Variants in EVC observed in about 807,000 individuals in gnomAD.
EVC encodes evC complex member EVC.
Under a neutral mutation model 118.9 loss-of-function variants are expected in EVC, and 116 were observed. The observed-to-expected ratio is 0.98, with a 90% CI of 0.84 to 1.14. The LOEUF is 1.14. EVC is among the 50% of genes most tolerant of loss of function. The probability of loss-of-function intolerance (pLI) is 0.00; values close to 1 mark genes in which losing one functional copy is unlikely to be tolerated. For synonymous variants in EVC, 619 were observed against 534.7 expected (o/e 1.16, Z -2.18); for missense variants, 1,401 against 1,246.4 (o/e 1.12, Z -1.87).
chr4:5,770,563 C>G (rs556936619), intron 11 of EVC, among the ~76,000 whole-genome samples: 2 of 152,148 alleles, frequency 1.3e-5, no homozygotes, highest in East Asian at 1.9e-4. Context: ...AGTAGTGATT[C>G]GGAGAACACA....
chr4:5,752,725 A>T, intron 8 of EVC, 111 bp from the exon 9 acceptor site: 1 of 1,085,552 alleles, frequency 9.2e-7, no homozygotes, highest in East Asian at 2.4e-5. Context: ...CCGCTCTCCC[A>T]GGCAGTGCCA....
the EVC span, chr4:5,826,590 T>G: frequency 4.6e-5 from 7 of 152,250 alleles, no homozygotes; most frequent in Non-Finnish European, 1.0e-4. Flanking sequence ...GCTGTCAGCC[T>G]GCTGGGAACT....
At chr4:5,805,126 C>T (rs762289421) in intron 17 of EVC, among the ~76,000 whole-genome samples, 2 of 152,120 alleles carry the variant, frequency 1.3e-5, no homozygotes, top group Non-Finnish European at 2.9e-5. Context: ...TGTTTAGACA[C>T]GCGCCTACCC....
intron 11 of EVC, among the ~76,000 whole-genome samples, chr4:5,776,551 A>C (rs555888719): frequency 2.0e-5 from 3 of 152,136 alleles, no homozygotes; most frequent in Non-Finnish European, 4.4e-5. Flanking sequence ...AATTTCTTCC[A>C]TCAGTTTGGG....
At chr4:5,740,503 T>C (rs897535606) in intron 5 of EVC, among the ~76,000 whole-genome samples, 2 of 148,200 alleles carry the variant, frequency 1.3e-5, no homozygotes, top group Admixed American at 1.3e-4. Context: ...AGAAAAAATA[T>C]AAGAGAAATT....
At chr4:5,759,112 G>A (rs533787066) in intron 11 of EVC, among the ~76,000 whole-genome samples, 1 of 152,034 alleles carries the variant, frequency 6.6e-6, no homozygotes, top group Non-Finnish European at 1.5e-5. Flanking sequence ...CACAGTAGCT[G>A]TACACACTTG....
chr4:5,814,158 C>T lies in EVC; in HGVS notation c.*3121C>T, dbSNP rs1717320370. On this transcript the variant is annotated 3_prime_UTR_variant, in exon 21 of 21. Transcript: ENST00000264956. Reference sequence around the variant, plus strand: ...TCAGCAGTGCAGCCCCAGGATGCCTCGCAGGTACCCTGCCTCCATTTTGGT... The same window carrying T: ...TCAGCAGTGCAGCCCCAGGATGCCTTGCAGGTACCCTGCCTCCATTTTGGT... 2 of 152,290 alleles carry T rather than the reference C, an allele frequency of 1.3e-5. No homozygotes were observed. Among genetic ancestry groups the T allele is most frequent in the African/African-American group, 2.4e-5 (1 of 41,448 alleles). The allele number at this position is 152,290 out of a possible 1,614,324, so 9.4% of individuals were successfully genotyped here. A position where few individuals can be genotyped will look rare whatever the true frequency, so the allele number is the denominator to read the frequency against.
Position 5,729,357 on chromosome 4 carries a change from CAA to C in EVC, c.353_354del (p.Lys118SerfsTer23). The C allele has an allele frequency of 1.2e-6, 2 of 1,614,088 alleles. No individual in the cohort carries two copies. The highest frequency in any genetic ancestry group is 1.7e-6 in the Non-Finnish European group (2 of 1,180,018). ...ATATCACAGCATTCGCCCTGAAGGCCAAAGTCATCTACCCCATCAATCAGAAG... is the reference window on the plus strand; with the variant it reads ...ATATCACAGCATTCGCCCTGAAGGCCAGTCATCTACCCCATCAATCAGAAG... The part of the protein sequence containing the change: ...SNITAFALKA[K>X]VIYPINQKFR... On this transcript the variant is annotated frameshift_variant, in exon 3 of 21. Coordinates refer to ENST00000264956, the MANE Select transcript of EVC (RefSeq NM_153717.3). LOFTEE classifies it high-confidence loss of function.
chr4:5,824,815 G>C, the EVC span: 9 of 985,230 alleles, frequency 9.1e-6, no homozygotes. Flanking sequence ...CAAAATTCCA[G>C]TTCAACTTTC....
At chr4:5,750,776 A>G (rs1205953803) in intron 8 of EVC, among the ~76,000 whole-genome samples, 1 of 152,208 alleles carries the variant, frequency 6.6e-6, no homozygotes, top group Non-Finnish European at 1.5e-5. Flanking sequence ...AGAAATAGAC[A>G]GCAAAAAATT....
chr4:5,712,320 C>T (rs3774857), intron 1 of EVC, among the ~76,000 whole-genome samples: 126,177 of 152,198 alleles, frequency 0.83, 52,600 homozygotes, highest in African/African-American at 0.91. Flanking sequence ...AGAGGTTAAG[C>T]AACTTACTAA....
At chr4:5,758,948 G>C (rs903966818) in intron 11 of EVC, among the ~76,000 whole-genome samples, 2 of 152,192 alleles carry the variant, frequency 1.3e-5, no homozygotes, top group African/African-American at 4.8e-5. Flanking sequence ...GGATGCCCTG[G>C]GAGATGATTC....
chr4:5,726,565 T>C (rs1249176506), intron 2 of EVC, among the ~76,000 whole-genome samples: 2 of 43,868 alleles, frequency 4.6e-5, no homozygotes, highest in Non-Finnish European at 8.3e-5. Flanking sequence ...TTTCTTCTCT[T>C]TTCTTTTTTT....
intron 7 of EVC, among the ~76,000 whole-genome samples, chr4:5,747,360 G>A (rs887526582): frequency 1.7e-4 from 26 of 152,178 alleles, no homozygotes; most frequent in African/African-American, 4.6e-4. Context: ...AACCTCAGCC[G>A]TGGAGTTAAA....
chr4:5,713,746 A>C (rs1322121732), intron 1 of EVC, among the ~76,000 whole-genome samples: 1 of 151,800 alleles, frequency 6.6e-6, no homozygotes, highest in African/African-American at 2.4e-5. Flanking sequence ...TCTACTAAAA[A>C]TACAAAATTA....
At chr4:5,744,628 A>C (rs750044431) in intron 6 of EVC, among the ~76,000 whole-genome samples, 1 of 152,152 alleles carries the variant, frequency 6.6e-6, no homozygotes, top group Admixed American at 6.6e-5. Flanking sequence ...GAATTCACTC[A>C]ATTGCCTAGC....
At chr4:5,804,908 T>G in intron 17 of EVC, 67 bp downstream of exon 17, 2 of 1,394,388 alleles carry the variant, frequency 1.4e-6, no homozygotes, top group Non-Finnish European at 2.0e-6. Flanking sequence ...TATCTCTCTG[T>G]GGTGCCGTCA....
intron 12 of EVC, among the ~76,000 whole-genome samples, chr4:5,787,582 C>A (rs1169957338): frequency 1.3e-5 from 2 of 152,176 alleles, no homozygotes; most frequent in Admixed American, 1.3e-4. Context: ...GAGTGCAGAC[C>A]TGCCAACCCT....
Position 5,755,658 on chromosome 4 carries a change from C to T in EVC, c.1465-606C>T, listed in dbSNP as rs1438319336. On this transcript the variant is annotated intron_variant, in intron 10 of 20. Transcript: ENST00000264956. This position sits in a 1 kb window ranked among gnomAD's most constrained non-coding sequence, Gnocchi z 4.1. ...CTTGTCCTTAGAGACTCCATTGAAACATCTCCCCAACAGGGAATTTTCTCC... is the reference window on the plus strand; with the variant it reads ...CTTGTCCTTAGAGACTCCATTGAAATATCTCCCCAACAGGGAATTTTCTCC... 3.3e-5 allele frequency among the ~76,000 whole-genome samples: 5 copies of T among 152,156 alleles called. No homozygotes were observed. Among genetic ancestry groups the T allele is most frequent in the Non-Finnish European group, 5.9e-5 (4 of 68,018 alleles).
Sources: gnomAD v4.1 joint callset for allele counts (sites outside exome capture counted in the v4.1 genomes callset) on GRCh38, gnomAD v4.1.1 for gene constraint, Gnocchi (gnomAD v3.1) non-coding constraint, MANE v1.5 for transcripts, NCBI Gene and HGNC (gene_info 2026-07-23, HGNC 2026-07-21) for gene names.